ZC3H12B: variants seen among roughly 807,000 people sequenced by gnomAD.
ZC3H12B encodes probable ribonuclease ZC3H12B.
A neutral mutation model predicts 43.9 loss-of-function variants in ZC3H12B; 7 were observed. That is an observed-to-expected ratio of 0.16 (90% confidence interval 0.09 to 0.30). The LOEUF (loss-of-function observed/expected upper bound fraction) is 0.30. ZC3H12B is among the 10% of genes least tolerant of loss of function. The pLI is 1.00. For missense variants in ZC3H12B, 475 were observed against 670.2 expected (o/e 0.71, Z 3.22); for synonymous variants, 222 against 241.7 (o/e 0.92, Z 0.76).
At chrX:65,135,189 T>C in the ZC3H12B span, among the ~76,000 whole-genome samples, 2 of 111,462 alleles carry the variant, frequency 1.8e-5, no homozygotes, top group Non-Finnish European at 3.8e-5. Flanking sequence ...CTACCAACTT[T>C]TATGTTACTT....
At chrX:65,211,802 T>C in the ZC3H12B span, among the ~76,000 whole-genome samples, 1 of 81,823 alleles carries the variant, frequency 1.2e-5, no homozygotes, top group South Asian at 5.6e-4. Context: ...TTATGTATAC[T>C]ATATAATATA....
chrX:65,288,764 A>G, the ZC3H12B span, among the ~76,000 whole-genome samples: 1 of 111,549 alleles, frequency 9.0e-6, no homozygotes, highest in Non-Finnish European at 1.9e-5. Flanking sequence ...GCAAGGGAAA[A>G]AAGTAAAAAG....
the ZC3H12B span, among the ~76,000 whole-genome samples, chrX:65,156,969 T>C: frequency 1.8e-5 from 2 of 111,754 alleles, no homozygotes; most frequent in Non-Finnish European, 3.8e-5. Context: ...TTTTCTTTCT[T>C]TCTTTCTTCC....
intron 2 of ZC3H12B, among the ~76,000 whole-genome samples, chrX:65,393,523 C>A (rs1234571570): frequency 1.8e-5 from 2 of 111,430 alleles, no homozygotes; most frequent in Non-Finnish European, 3.8e-5. Flanking sequence ...TTGTTCAACT[C>A]CCACTTATGA....
the ZC3H12B span, among the ~76,000 whole-genome samples, chrX:65,301,114 C>T: frequency 1.8e-5 from 2 of 110,508 alleles, no homozygotes; most frequent in African/African-American, 6.6e-5. Flanking sequence ...CAGGAAAATA[C>T]AAATCAAAAC....
the ZC3H12B span, among the ~76,000 whole-genome samples, chrX:65,214,557 C>G: frequency 1.8e-5 from 2 of 111,684 alleles, no homozygotes; most frequent in African/African-American, 3.2e-5. Context: ...TGCAGCAATT[C>G]AGTCACATCT....
chrX:65,290,126 A>G, the ZC3H12B span, among the ~76,000 whole-genome samples: 3 of 111,285 alleles, frequency 2.7e-5, no homozygotes, highest in Non-Finnish European at 5.7e-5. Context: ...AAACTCAAAC[A>G]AATCAACAGG....
At chrX:65,461,633 A>G (rs938473269) in intron 3 of ZC3H12B, among the ~76,000 whole-genome samples, 3 of 111,557 alleles carry the variant, frequency 2.7e-5, no homozygotes, top group African/African-American at 9.8e-5. Context: ...GTTCTCACTC[A>G]TATGTGGGAA....
At chrX:65,305,814 T>C in the ZC3H12B span, among the ~76,000 whole-genome samples, 1 of 111,697 alleles carries the variant, frequency 9.0e-6, no homozygotes, top group Non-Finnish European at 1.9e-5. Context: ...GGACAGTGTG[T>C]TATAATGGCA....
the ZC3H12B span, among the ~76,000 whole-genome samples, chrX:65,162,780 C>G: frequency 8.9e-6 from 1 of 112,484 alleles, no homozygotes; most frequent in Non-Finnish European, 1.9e-5. Context: ...CAAAGTCATT[C>G]TCTGTCCAGC....
At chrX:65,261,414 G>A in the ZC3H12B span, among the ~76,000 whole-genome samples, 10 of 111,003 alleles carry the variant, frequency 9.0e-5, no homozygotes, top group African/African-American at 1.3e-4. Context: ...TTATGGCAGC[G>A]TAGCATCAAA....
chrX:65,187,956 C>T, the ZC3H12B span, among the ~76,000 whole-genome samples: 1 of 110,834 alleles, frequency 9.0e-6, no homozygotes, highest in Admixed American at 9.7e-5. Flanking sequence ...ACCCTCCAAC[C>T]ACTATCTTTC....
intron 3 of ZC3H12B, among the ~76,000 whole-genome samples, chrX:65,406,434 A>C (rs1404798772): frequency 3.7e-5 from 4 of 107,294 alleles, no homozygotes; most frequent in African/African-American, 1.0e-4. Flanking sequence ...AGCTTTTGAT[A>C]AAATTCAACA....
At chrX:65,304,650 C>T in the ZC3H12B span, among the ~76,000 whole-genome samples, 2 of 109,761 alleles carry the variant, frequency 1.8e-5, no homozygotes, top group Non-Finnish European at 3.8e-5. Context: ...AAACATTTAC[C>T]CATATCTCAC....
the ZC3H12B span, among the ~76,000 whole-genome samples, chrX:65,247,198 C>A: frequency 8.9e-6 from 1 of 112,104 alleles, no homozygotes; most frequent in African/African-American, 3.2e-5. Flanking sequence ...GGCCATGTAA[C>A]AATAATCAGA....
chrX:65,209,848 G>C, the ZC3H12B span, among the ~76,000 whole-genome samples: 1 of 99,245 alleles, frequency 1.0e-5, no homozygotes, highest in Non-Finnish European at 2.0e-5. Context: ...ATGGTGCTGG[G>C]AAAACTGGCT....
At chrX:65,354,819 C>T in the ZC3H12B span, among the ~76,000 whole-genome samples, 4 of 111,604 alleles carry the variant, frequency 3.6e-5, no homozygotes, top group Non-Finnish European at 5.6e-5. Context: ...AAAGCATTCA[C>T]ATATATAAAC....
chrX:65,346,537 A>C, the ZC3H12B span, among the ~76,000 whole-genome samples: 1 of 112,358 alleles, frequency 8.9e-6, no homozygotes, highest in Admixed American at 9.4e-5. Flanking sequence ...AAAAAACCCC[A>C]AAATTATCAT....
chrX:65,213,374 G>C, the ZC3H12B span, among the ~76,000 whole-genome samples: 1 of 110,859 alleles, frequency 9.0e-6, no homozygotes, highest in African/African-American at 3.3e-5. Context: ...TATCTTATGT[G>C]TCCCAATACT....
Sources: gnomAD v4.1 joint callset for allele counts (sites outside exome capture counted in the v4.1 genomes callset) on GRCh38, gnomAD v4.1.1 for gene constraint, MANE v1.5 for transcripts, NCBI Gene and HGNC (gene_info 2026-07-23, HGNC 2026-07-21) for gene names.